ADAMTS16: variants seen among roughly 807,000 people sequenced by gnomAD.
ADAMTS16 encodes ADAM metallopeptidase with thrombospondin type 1 motif 16, also known as A disintegrin and metalloproteinase with thrombospondin motifs 16.
Under a neutral mutation model 145.8 loss-of-function variants are expected in ADAMTS16, and 94 were observed. The observed-to-expected ratio is 0.64, with a 90% CI of 0.55 to 0.77. The LOEUF is 0.77. ADAMTS16 is among the 30% of genes least tolerant of loss of function. ADAMTS16 has a pLI of 0.00. For missense variants in ADAMTS16, 1,585 were observed against 1,591.5 expected, an observed-to-expected ratio of 1.00 and a Z score of 0.07; for synonymous variants, 659 against 604.3, an observed-to-expected ratio of 1.09 and a Z score of -1.33.
At chr5:5,167,357 T>C (rs963460124) in intron 3 of ADAMTS16, among the ~76,000 whole-genome samples, 1 of 152,240 alleles carries the variant, frequency 6.6e-6, no homozygotes, top group South Asian at 2.1e-4. Flanking sequence ...ATGAGATTCA[T>C]GTCTAAAGGT....
intron 18 of ADAMTS16, among the ~76,000 whole-genome samples, chr5:5,287,227 TG>T (rs1313310293): frequency 6.6e-6 from 1 of 152,234 alleles, no homozygotes; most frequent in African/African-American, 2.4e-5. Flanking sequence ...GGCAGACCCC[TG>T]GCCCAGCAGC....
chr5:5,232,311 G>A, intron 11 of ADAMTS16, 57 bp from the exon 12 acceptor site: 1 of 1,607,432 alleles, frequency 6.2e-7, no homozygotes, highest in South Asian at 1.1e-5. Flanking sequence ...GTGATGAGAT[G>A]AACCCATCTA....
chr5:5,301,131 A>G (rs564889920), intron 18 of ADAMTS16, among the ~76,000 whole-genome samples: 1 of 152,242 alleles, frequency 6.6e-6, no homozygotes, highest in African/African-American at 2.4e-5. Context: ...GACTGCAGTG[A>G]TACAATCACA....
chr5:5,296,998 T>C (rs537627211), intron 18 of ADAMTS16, among the ~76,000 whole-genome samples: 2 of 152,300 alleles, frequency 1.3e-5, no homozygotes, highest in South Asian at 4.1e-4. Context: ...GAGGGCAAAA[T>C]ACTCTTGTTC....
At chr5:5,155,689 G>A (rs1734583831) in intron 3 of ADAMTS16, among the ~76,000 whole-genome samples, 1 of 152,108 alleles carries the variant, frequency 6.6e-6, no homozygotes, top group South Asian at 2.1e-4. Context: ...ATCAGCGGCT[G>A]CAACTGGAAT....
At chr5:5,223,760 G>T (rs1274852396) in intron 11 of ADAMTS16, 1 of 151,926 alleles carries the variant, frequency 6.6e-6, no homozygotes, top group Non-Finnish European at 1.5e-5. Flanking sequence ...TAATTCTTTT[G>T]ATTTAACTTA....
At chr5:5,263,169 C>T (rs1242823623) in intron 18 of ADAMTS16, among the ~76,000 whole-genome samples, 1 of 152,176 alleles carries the variant, frequency 6.6e-6, no homozygotes, top group Non-Finnish European at 1.5e-5. Context: ...CAAGGCCTGC[C>T]AGTGGGGAAG....
chr5:5,282,233 T>C (rs866689653), intron 18 of ADAMTS16, among the ~76,000 whole-genome samples: 1 of 152,158 alleles, frequency 6.6e-6, no homozygotes, highest in African/African-American at 2.4e-5. Context: ...TGTAATGGAG[T>C]TTCCCTTAAT....
intron 10 of ADAMTS16, among the ~76,000 whole-genome samples, chr5:5,211,609 C>T (rs1736272706): frequency 6.6e-6 from 1 of 151,932 alleles, no homozygotes; most frequent in Non-Finnish European, 1.5e-5. Flanking sequence ...CTGTCTTTTT[C>T]GTGCCCTTTG....
At chr5:5,297,452 C>T (rs183276704) in intron 18 of ADAMTS16, among the ~76,000 whole-genome samples, 1 of 152,258 alleles carries the variant, frequency 6.6e-6, no homozygotes, top group East Asian at 1.9e-4. Flanking sequence ...TGCAAAAGCC[C>T]CCAGTGTTCT....
chr5:5,280,783 G>T lies in ADAMTS16; in HGVS notation c.2789+18000G>T, dbSNP rs149465090. Among the ~76,000 whole-genome samples, 166 of 152,292 alleles carry T rather than the reference G, an allele frequency of 1.1e-3. 2 individuals are homozygous for T. The highest frequency in any genetic ancestry group is 3.8e-3 in the African/African-American group (158 of 41,564). ...AAAGCAATTGAAATATGGAAAAAAT[G>T]ATATAAGCCTATAATTAAATATATT... On this transcript the variant is annotated intron_variant, in intron 18 of 22. Coordinates refer to ENST00000274181, the MANE Select transcript of ADAMTS16 (RefSeq NM_139056.4).
chr5:5,182,789 T>C (rs2126561398), intron 4 of ADAMTS16, among the ~76,000 whole-genome samples: 1 of 152,188 alleles, frequency 6.6e-6, no homozygotes, highest in Admixed American at 6.5e-5. Context: ...GAGTCTTTTT[T>C]TGTCATGAAC....
intron 8 of ADAMTS16, among the ~76,000 whole-genome samples, chr5:5,198,145 A>G (rs1735857374): frequency 2.0e-5 from 3 of 152,116 alleles, no homozygotes; most frequent in Admixed American, 6.6e-5. Flanking sequence ...ATCGAGGGCA[A>G]TTTCTGGACC....
intron 17 of ADAMTS16, among the ~76,000 whole-genome samples, chr5:5,253,745 C>T (rs991644530): frequency 6.6e-6 from 1 of 152,176 alleles, no homozygotes; most frequent in African/African-American, 2.4e-5. Flanking sequence ...ACCTGGTCAC[C>T]ACATCCACAG....
chr5:5,299,669 T>C (rs1205228023), intron 18 of ADAMTS16, among the ~76,000 whole-genome samples: 2 of 152,064 alleles, frequency 1.3e-5, no homozygotes, highest in Non-Finnish European at 2.9e-5. Flanking sequence ...CTGGGTAGTG[T>C]TGAGAGCCAC....
chr5:5,305,225 TC>T (rs1740045243), intron 20 of ADAMTS16, among the ~76,000 whole-genome samples: 1 of 20,440 alleles, frequency 4.9e-5, no homozygotes, highest in Non-Finnish European at 9.1e-5. Flanking sequence ...CACACACACA[TC>T]CCACACCACA....
intron 11 of ADAMTS16, among the ~76,000 whole-genome samples, chr5:5,227,196 C>T (rs1736790349): frequency 1.3e-5 from 2 of 152,244 alleles, no homozygotes. Context: ...CATTTGATGA[C>T]TCAGTGCTTT....
At position 5,182,216 on chromosome 5, in the gene ADAMTS16, C is replaced by T. The variant is rs371488040; in HGVS notation, c.674C>T (p.Thr225Ile). ...GASEVLVTSR[T>I]WELAHQPLHS... ...AGTGAGGTCCTGGTGACCTCAAGGA[C>T]ATGGGAGCTGGCACATCAACCCCTG... Residue 225 changes from threonine to isoleucine, a missense_variant, in exon 4 of 23, where the codon ACA (threonine) becomes ATA (isoleucine). Transcript: ENST00000274181. 88 of 1,614,086 alleles carry T rather than the reference C, an allele frequency of 5.5e-5. No homozygotes were observed. The highest frequency in any genetic ancestry group is 7.2e-5 in the Non-Finnish European group (85 of 1,180,054).
chr5:5,249,664 T>C (rs1188299360), intron 17 of ADAMTS16, among the ~76,000 whole-genome samples: 1 of 152,266 alleles, frequency 6.6e-6, no homozygotes, highest in Non-Finnish European at 1.5e-5. Context: ...CTGCGACCCC[T>C]GGAGCCCCAG....
Sources: allele counts gnomAD v4.1 joint callset (sites outside exome capture counted in the v4.1 genomes callset), GRCh38; gene constraint gnomAD v4.1.1; transcripts MANE v1.5; gene names NCBI Gene and HGNC (gene_info 2026-07-23, HGNC 2026-07-21).